Variants in RYR2 observed in about 807,000 individuals in gnomAD.
RYR2 encodes ryanodine receptor 2.
Under a neutral mutation model 601.1 loss-of-function variants are expected in RYR2, and 227 were observed. The ratio of observed to expected loss-of-function variants is 0.38; its 90% CI spans 0.34 to 0.42. RYR2 has a LOEUF of 0.42. RYR2 is among the 10% of genes least tolerant of loss of function. The probability of loss-of-function intolerance (pLI) is 1.00; values close to 1 mark genes in which losing one functional copy is unlikely to be tolerated. For synonymous variants in RYR2, 2,223 were observed against 2,175.1 expected (o/e 1.02, Z -0.61); for missense variants, 4,646 against 6,156.5 (o/e 0.75, Z 8.21).
intron 1 of RYR2, among the ~76,000 whole-genome samples, chr1:237,149,475 TG>T (rs1674461822): frequency 6.6e-6 from 1 of 152,178 alleles, no homozygotes; most frequent in Non-Finnish European, 1.5e-5. Flanking sequence ...AAAACATACT[TG>T]AAGCCAAGTG....
At chr1:237,139,421 G>A (rs1220693287) in intron 1 of RYR2, among the ~76,000 whole-genome samples, 2 of 152,150 alleles carry the variant, frequency 1.3e-5, no homozygotes, top group African/African-American at 2.4e-5. Flanking sequence ...TTCCTTTTTT[G>A]GGGGGATAAA....
rs117305593 is a variant in RYR2, at chr1:237,650,406, G to A, written c.7733+309G>A. Among the ~76,000 whole-genome samples, 758 of 152,152 alleles carry A rather than the reference G, an allele frequency of 5.0e-3. 17 individuals are homozygous for A. In the East Asian group the frequency reaches 0.078, roughly 16 times the overall value. ...TGTTGGGAGTCCTTGGCCACTTTAG[G>A]TGAGATGAATAGATCTCCCCTTTTG... On this transcript the variant is annotated intron_variant, in intron 50 of 104. Transcript: ENST00000366574.
chr1:237,091,047 G>A, intron 1 of RYR2, among the ~76,000 whole-genome samples: 1 of 152,192 alleles, frequency 6.6e-6, no homozygotes. Flanking sequence ...TTTGTGTAGA[G>A]TAAGAGCTTG....
rs143824342 is a variant in RYR2 at position 237,063,181 on chromosome 1, C to T, written c.48+20612C>T. Among the ~76,000 whole-genome samples, 1,400 of 152,248 alleles carry T rather than the reference C, an allele frequency of 9.2e-3. 16 individuals are homozygous for T. The highest frequency in any genetic ancestry group is 0.023 in the South Asian group (112 of 4,816). On this transcript the variant is annotated intron_variant, in intron 1 of 104. Coordinates refer to ENST00000366574, the MANE Select transcript of RYR2 (RefSeq NM_001035.3). ...TGAGAAAACAGCAGGCAGTCTGCAA[C>T]CCAGAAGAGGGCCTTCACCAGAACC...
intron 89 of RYR2, among the ~76,000 whole-genome samples, chr1:237,782,552 C>T (rs1382925581): frequency 6.6e-6 from 1 of 152,168 alleles, no homozygotes; most frequent in East Asian, 1.9e-4. Flanking sequence ...GCAGCATCTG[C>T]TTAAAGCCCT....
intron 29 of RYR2, among the ~76,000 whole-genome samples, chr1:237,576,913 A>G (rs1039292866): frequency 2.6e-5 from 4 of 152,206 alleles, no homozygotes; most frequent in African/African-American, 9.6e-5. Flanking sequence ...ATTAAATGCT[A>G]TTTTACATCC....
intron 1 of RYR2, among the ~76,000 whole-genome samples, chr1:237,217,281 C>T (rs1683293249): frequency 6.6e-6 from 1 of 151,938 alleles, no homozygotes; most frequent in Middle Eastern, 3.2e-3. Context: ...AGTCTACGTG[C>T]CTGACTTGTT....
intron 12 of RYR2, among the ~76,000 whole-genome samples, chr1:237,432,097 GT>G (rs766206276): frequency 0.18 from 25,968 of 142,672 alleles, 2,446 homozygotes; most frequent in Admixed American, 0.25. Flanking sequence ...TTAGCAAATG[GT>G]CTTTTTTTTT....
chr1:237,356,090 T>C, intron 4 of RYR2, 105 bp downstream of exon 4: 1 of 948,242 alleles, frequency 1.1e-6, no homozygotes, highest in South Asian at 1.5e-5. Flanking sequence ...GTACTATTAG[T>C]GTTCAAACTA....
chr1:237,391,763 T>C (rs771321551), intron 10 of RYR2, among the ~76,000 whole-genome samples: 6 of 152,174 alleles, frequency 3.9e-5, no homozygotes, highest in Admixed American at 6.6e-5. Context: ...TGTGGTTACC[T>C]ATTCATTCTC....
At position 237,717,366 on chromosome 1, in the gene RYR2, C is replaced by G; in HGVS notation, c.10492C>G (p.Leu3498Val). 6.3e-7 allele frequency: 1 copy of G among 1,599,324 alleles called. No homozygotes were observed. Among genetic ancestry groups the G allele is most frequent in the Non-Finnish European group, 8.5e-7 (1 of 1,171,570 alleles). The change falls in exon 72 of 105, where the codon CTG becomes GTG. Residue 3498 changes from leucine (L) to valine (V), a missense_variant and splice_region_variant. Coordinates refer to ENST00000366574, the MANE Select transcript of RYR2 (RefSeq NM_001035.3). ...LIALAKNRFS[L>V]KDTEDEVRDI... ...TGCTCTGGCCAAAAATCGATTTAGC[C>G]TGGTAAGTCTCCTTTTCATCCCAGC...
At chr1:237,569,674 A>G (rs1672461178) in intron 29 of RYR2, among the ~76,000 whole-genome samples, 1 of 152,180 alleles carries the variant, frequency 6.6e-6, no homozygotes, top group South Asian at 2.1e-4. Context: ...TCATCTCATA[A>G]AAGTGAAATG....
intron 2 of RYR2, among the ~76,000 whole-genome samples, chr1:237,284,585 C>T (rs899360097): frequency 1.0e-5 from 1 of 96,920 alleles, no homozygotes; most frequent in South Asian, 3.4e-4. Context: ...CACACACACC[C>T]ACACACAGAC....
At chr1:237,400,832 T>C (rs1703290682) in intron 10 of RYR2, among the ~76,000 whole-genome samples, 1 of 152,086 alleles carries the variant, frequency 6.6e-6, no homozygotes, top group Admixed American at 6.5e-5. Context: ...GAAATGAATT[T>C]AGTGTTTGGA....
chr1:237,449,724 T>C (rs930101321), intron 14 of RYR2, among the ~76,000 whole-genome samples: 1 of 151,914 alleles, frequency 6.6e-6, no homozygotes. Context: ...TTTTAAGTGA[T>C]ATTTTTGCTG....
At chr1:237,208,972 ATATATATATATATG>A (rs1253901418) in intron 1 of RYR2, among the ~76,000 whole-genome samples, 1,465 of 118,450 alleles carry the variant, frequency 0.012, 58 homozygotes, top group South Asian at 0.089. Context: ...ATATATATAT[ATATATATATATATG>A]TATACTGTAA....
chr1:237,636,855 T>C (rs1680926402), intron 44 of RYR2, among the ~76,000 whole-genome samples: 1 of 140,028 alleles, frequency 7.1e-6, no homozygotes, highest in Admixed American at 7.4e-5. Flanking sequence ...CATCCCACAA[T>C]AAAAAAGAAT....
At chr1:237,172,850 G>A (rs777282845) in intron 1 of RYR2, among the ~76,000 whole-genome samples, 8 of 152,134 alleles carry the variant, frequency 5.3e-5, no homozygotes, top group Admixed American at 3.3e-4. Flanking sequence ...TGGAACAGTC[G>A]TTTGTGTTAT....
rs113800105 is a variant in RYR2, at chr1:237,371,112, CT to C, written c.384+1515del. ...GTTTTAATCTCTTCTGTCCTTAAGG[CT>C]TTTTTTTTTTAAACATAATTGAGAT... On this transcript the variant is annotated intron_variant, in intron 6 of 104. Coordinates refer to ENST00000366574, the MANE Select transcript of RYR2 (RefSeq NM_001035.3). Among the ~76,000 whole-genome samples the C allele has an allele frequency of 1.1e-3, 163 of 145,500 alleles. 1 individual carries two copies. Among genetic ancestry groups the C allele is most frequent in the African/African-American group, 1.4e-3 (54 of 39,962 alleles).
Sources: allele counts gnomAD v4.1 joint callset (sites outside exome capture counted in the v4.1 genomes callset), GRCh38; gene constraint gnomAD v4.1.1; transcripts MANE v1.5; gene names NCBI Gene and HGNC (gene_info 2026-07-23, HGNC 2026-07-21).